HNRNPD: variants seen among roughly 807,000 people sequenced by gnomAD.
The protein encoded by HNRNPD is heterogeneous nuclear ribonucleoprotein D.
HNRNPD carries 3 observed loss-of-function variants against 47.9 expected under a neutral mutation model. The observed-to-expected ratio is 0.06, with a 90% CI of 0.03 to 0.16. The LOEUF (loss-of-function observed/expected upper bound fraction) is 0.16, where lower values mean the gene tolerates loss of function less well. Among genes scored for constraint, HNRNPD ranks in the 10% least tolerant of loss-of-function variants. HNRNPD has a pLI of 1.00. For missense variants in HNRNPD, 287 were observed against 454.2 expected, an observed-to-expected ratio of 0.63 and a Z score of 3.35; for synonymous variants, 171 against 165.1, an observed-to-expected ratio of 1.04 and a Z score of -0.28.
chr4:82,372,443 T>C lies in HNRNPD; in HGVS notation c.234-859A>G, dbSNP rs116281082. The stretch of plus-strand genomic sequence containing the variant: ...TAGCACAATACAGGATTTGTTTCTC[T>C]TAAGAGGACTACAGGCCTCCCTTAG... On this transcript the variant is annotated intron_variant, in intron 1 of 8. Transcript: ENST00000313899. 7.7e-3 allele frequency among the ~76,000 whole-genome samples: 1,166 copies of C among 152,258 alleles called. 6 individuals carry two copies. Among genetic ancestry groups the C allele is most frequent in the Non-Finnish European group, 0.012 (845 of 68,020 alleles).
At chr4:82,373,070 CTG>C (rs1560441466) in intron 1 of HNRNPD, 1 of 476,524 alleles carries the variant, frequency 2.1e-6, no homozygotes, top group East Asian at 6.3e-5. Context: ...ATGCCCAAGA[CTG>C]TAGAAAAAGG....
intron 7 of HNRNPD, chr4:82,356,094 T>C (rs1723701253): frequency 6.5e-6 from 1 of 154,448 alleles, no homozygotes; most frequent in Non-Finnish European, 1.4e-5. Context: ...TTTTTGGTTC[T>C]ATCAAGCTCA....
In HNRNPD at chr4:82,359,487, G is replaced by A. The variant is rs1723875575; in HGVS notation, c.443C>T (p.Ser148Leu). ...ACACACTACCTTATCTACACTCTCC[G>A]ATTCTTTAAATAGCACAAAGCCAAA... is the stretch of plus-strand genomic sequence containing the variant. ...RGFGFVLFKESESVDKVMDQK... is the reference protein window; with the variant it reads ...RGFGFVLFKELESVDKVMDQK... Residue 148 changes from serine (S) to leucine (L), a missense_variant, in exon 3 of 9, where the codon TCG (serine) becomes TTG (leucine). Coordinates refer to ENST00000313899, the MANE Select transcript of HNRNPD (RefSeq NM_031370.3). 2.5e-6 allele frequency: 4 copies of A among 1,581,852 alleles called. No homozygotes were observed. The highest frequency in any genetic ancestry group is 3.4e-5 in the Admixed American group (2 of 58,986).
rs1723585156 is a variant in HNRNPD at position 82,353,367 on chromosome 4, G to C, written c.*818C>G. 1 of 152,096 alleles carries C rather than the reference G, an allele frequency of 6.6e-6. No individual in the cohort carries two copies. The highest frequency in any genetic ancestry group is 2.4e-5 in the African/African-American group (1 of 41,406). 9.4% of individuals were successfully genotyped at this position (152,096 alleles called of 1,614,324 possible). On this transcript the variant is annotated 3_prime_UTR_variant, in exon 9 of 9. Transcript: ENST00000313899. ...TTTCTTTAATCCTCCCTCAACACTT[G>C]AATTCATCTATGAAGTCCACCACAG...
chr4:82,364,979 A>C (rs997607958), intron 2 of HNRNPD, among the ~76,000 whole-genome samples: 2 of 152,192 alleles, frequency 1.3e-5, no homozygotes, highest in African/African-American at 4.8e-5. Context: ...CAAACACCTT[A>C]TTCAAGGTAA....
chr4:82,354,976 A>C (rs1723653733), intron 8 of HNRNPD: 1 of 319,096 alleles, frequency 3.1e-6, no homozygotes, highest in South Asian at 3.3e-5. Context: ...AGTCAGCGCG[A>C]CACAGGGCCT....
Position 82,372,417 on chromosome 4 carries a change from A to G in HNRNPD, c.234-833T>C, listed in dbSNP as rs573389758. Among the ~76,000 whole-genome samples the G allele has an allele frequency of 1.3e-3, 197 of 152,302 alleles. 2 individuals carry two copies. Among genetic ancestry groups the G allele is most frequent in the African/African-American group, 4.6e-3 (193 of 41,554 alleles). ...ACCAAAAAGAAAAAAAAAGTATCCCATAGCACAATACAGGATTTGTTTCTC... is the reference window on the plus strand; with the variant it reads ...ACCAAAAAGAAAAAAAAAGTATCCCGTAGCACAATACAGGATTTGTTTCTC... On this transcript the variant is annotated intron_variant, in intron 1 of 8. Transcript: ENST00000313899.
chr4:82,360,654 G>T (rs1171320682), intron 2 of HNRNPD, among the ~76,000 whole-genome samples: 1 of 152,046 alleles, frequency 6.6e-6, no homozygotes, highest in African/African-American at 2.4e-5. Context: ...CTTTTTAACT[G>T]GGGAAGGGTC....
At chr4:82,358,994 T>C (rs934476961) in intron 3 of HNRNPD, among the ~76,000 whole-genome samples, 174 bp from the exon 4 acceptor site, 7 of 152,162 alleles carry the variant, frequency 4.6e-5, no homozygotes, top group Non-Finnish European at 7.4e-5. Flanking sequence ...ATATACTGTT[T>C]AAATCTAAAG....
chr4:82,352,508 A>T lies in HNRNPD; in HGVS notation c.*1677T>A, dbSNP rs1254129990. ...CAGAGGGAGACCCTGTCTCTTAAAA[A>T]TAATTTTTTATTGAGAGATTTACAT... On this transcript the variant is annotated 3_prime_UTR_variant, in exon 9 of 9. Transcript: ENST00000313899. The T allele has an allele frequency of 2.0e-5, 3 of 152,202 alleles. No individual in the cohort carries two copies. Among genetic ancestry groups the T allele is most frequent in the African/African-American group, 7.2e-5 (3 of 41,458 alleles). 9.4% of individuals were successfully genotyped at this position (152,202 alleles called of 1,614,324 possible).
intron 8 of HNRNPD, 185 bp downstream of exon 8, chr4:82,355,119 A>G: frequency 1.7e-6 from 1 of 581,696 alleles, no homozygotes; most frequent in Non-Finnish European, 3.0e-6. Flanking sequence ...ACTTGTTAAT[A>G]ATAGGACAAA....
At position 82,359,411 on chromosome 4, in the gene HNRNPD, C is replaced by T. The variant is rs544839915; in HGVS notation, c.459+60G>A. The T allele has an allele frequency of 2.5e-6, 3 of 1,220,266 alleles. No homozygotes were observed. In the East Asian group the frequency reaches 8.0e-5, roughly 33 times the overall value. The allele number at this position is 1,220,266 out of a possible 1,614,324, so 75.6% of individuals were successfully genotyped here. On this transcript the variant is annotated intron_variant, in intron 3 of 8. Coordinates refer to ENST00000313899, the MANE Select transcript of HNRNPD (RefSeq NM_031370.3). ...CCACAAATAGGCAAACTCATTGTATCAAACTATCCATATGTTAATATTTTA... is the reference window on the plus strand; with the variant it reads ...CCACAAATAGGCAAACTCATTGTATTAAACTATCCATATGTTAATATTTTA...
chr4:82,371,569 G>A lies in HNRNPD; in HGVS notation c.249C>T (p.Ser83=), dbSNP rs1455413181. The A allele has an allele frequency of 1.9e-6, 3 of 1,613,030 alleles. No homozygotes were observed. Among genetic ancestry groups the A allele is most frequent in the Non-Finnish European group, 2.5e-6 (3 of 1,179,314 alleles). Residue 83 remains serine, a synonymous_variant, in exon 2 of 9, where the codon TCC becomes TCT. Coordinates refer to ENST00000313899, the MANE Select transcript of HNRNPD (RefSeq NM_031370.3). ...NEEDEGHSNS[S]PRHSEAATAQ... ...CCGTCGCTGCTTCAGAGTGTCGTGG[G>A]GAGGAGTTTGAATGGCTAGGGAATT...
chr4:82,356,810 C>T lies in HNRNPD; in HGVS notation c.839G>A (p.Arg280His). 2 of 1,614,036 alleles carry T rather than the reference C, an allele frequency of 1.2e-6. No homozygotes were observed. The highest frequency in any genetic ancestry group is 1.7e-6 in the Non-Finnish European group (2 of 1,179,884). The change falls in exon 6 of 9, where the codon CGT becomes CAT. Residue 280 changes from arginine to histidine, a missense_variant. Arg to His is a conservative substitution (Grantham distance 29). Coordinates refer to ENST00000313899, the MANE Select transcript of HNRNPD (RefSeq NM_031370.3). Reference protein sequence around the residue: ...GSRGGFAGRARGRGGGPSQNW... With the variant: ...GSRGGFAGRAHGRGGGPSQNW... Reference sequence around the variant, plus strand: ...CTCTAGCTTACCACCACCTCTTCCACGAGCTCTTCCTGCAAATCCTCCTCT... The same window carrying T: ...CTCTAGCTTACCACCACCTCTTCCATGAGCTCTTCCTGCAAATCCTCCTCT...
intron 3 of HNRNPD, 122 bp from the exon 4 acceptor site, chr4:82,358,942 A>T (rs1723845425): frequency 4.1e-6 from 3 of 727,620 alleles, no homozygotes; most frequent in African/African-American, 3.6e-5. Flanking sequence ...CTTGCTCAAG[A>T]TTAAACTGTC....
At chr4:82,369,624 C>CT (rs770856332) in intron 2 of HNRNPD, among the ~76,000 whole-genome samples, 1 of 150,764 alleles carries the variant, frequency 6.6e-6, no homozygotes, top group Non-Finnish European at 1.5e-5. Flanking sequence ...AACTGTTGCC[C>CT]TTATAATATC....
intron 4 of HNRNPD, 117 bp downstream of exon 4, chr4:82,358,542 C>G: frequency 1.1e-6 from 1 of 885,206 alleles, no homozygotes; most frequent in Non-Finnish European, 1.8e-6. Flanking sequence ...TATTCCAAAA[C>G]AGATCACATA....
intron 1 of HNRNPD, among the ~76,000 whole-genome samples, chr4:82,372,842 G>A (rs1326342810): frequency 1.3e-5 from 2 of 152,180 alleles, no homozygotes; most frequent in South Asian, 2.1e-4. Context: ...TTGTGCGATA[G>A]CGTATGGTGG....
intron 2 of HNRNPD, among the ~76,000 whole-genome samples, chr4:82,366,540 G>T (rs372861750): frequency 6.6e-6 from 1 of 152,014 alleles, no homozygotes; most frequent in Non-Finnish European, 1.5e-5. Flanking sequence ...CACCGCGCCC[G>T]GCCAACATGA....
Sources: gnomAD v4.1 joint callset for allele counts (sites outside exome capture counted in the v4.1 genomes callset) on GRCh38, gnomAD v4.1.1 for gene constraint, MANE v1.5 for transcripts, NCBI Gene and HGNC (gene_info 2026-07-23, HGNC 2026-07-21) for gene names.